The following GLRA1 variants were observed in gnomAD, a reference collection of about 807,000 sequenced individuals.
GLRA1 encodes the protein glycine receptor alpha 1.
Under a neutral mutation model 48.3 loss-of-function variants are expected in GLRA1, and 37 were observed. The observed-to-expected ratio is 0.77, with a 90% CI of 0.59 to 1.01. The LOEUF (loss-of-function observed/expected upper bound fraction) is 1.01, where lower values mean the gene tolerates loss of function less well. GLRA1 is among the 50% of genes least tolerant of loss of function. The pLI is 0.00. For synonymous variants in GLRA1, 196 were observed against 210.7 expected (o/e 0.93, Z 0.60); for missense variants, 427 against 571.0 (o/e 0.75, Z 2.57).
At chr5:151,924,415 G>A in intron 1 of GLRA1, 79 bp downstream of exon 1, 1 of 897,126 alleles carries the variant, frequency 1.1e-6, no homozygotes, top group Non-Finnish European at 1.9e-6. Context: ...CAAAATGATG[G>A]GACCACGGAC....
chr5:151,844,303 C>T (rs1752606802), intron 7 of GLRA1, among the ~76,000 whole-genome samples: 2 of 151,758 alleles, frequency 1.3e-5, no homozygotes, highest in East Asian at 1.9e-4. Flanking sequence ...TCTTCATGAC[C>T]TTGGATTAGG....
chr5:151,869,252 T>C (rs1265659203), intron 3 of GLRA1, among the ~76,000 whole-genome samples: 6 of 151,882 alleles, frequency 4.0e-5, no homozygotes, highest in Admixed American at 3.9e-4. Flanking sequence ...TATAGGCATC[T>C]ACCACCATGC....
chr5:151,901,617 CT>C (rs1754370270), intron 1 of GLRA1, among the ~76,000 whole-genome samples: 1 of 152,142 alleles, frequency 6.6e-6, no homozygotes, highest in African/African-American at 2.4e-5. Context: ...GGAGCCCAGG[CT>C]TTTGGACAGA....
At chr5:151,888,653 A>G (rs77819683) in intron 2 of GLRA1, among the ~76,000 whole-genome samples, 2,558 of 152,216 alleles carry the variant, frequency 0.017, 68 homozygotes, top group African/African-American at 0.059. Context: ...CTTTGGCCCA[A>G]CCCCACACTA....
chr5:151,900,926 TA>T (rs1405924860), intron 1 of GLRA1, among the ~76,000 whole-genome samples: 1 of 152,178 alleles, frequency 6.6e-6, no homozygotes, highest in Non-Finnish European at 1.5e-5. Context: ...AAATATTTGT[TA>T]AATGGATGAT....
intron 8 of GLRA1, among the ~76,000 whole-genome samples, chr5:151,823,746 A>G (rs1763203095): frequency 6.6e-6 from 1 of 152,010 alleles, no homozygotes; most frequent in Non-Finnish European, 1.5e-5. Context: ...GCAGCCCTCC[A>G]GGTTTGTACA....
chr5:151,844,228 A>C (rs2113323432), intron 7 of GLRA1, among the ~76,000 whole-genome samples: 1 of 152,176 alleles, frequency 6.6e-6, no homozygotes, highest in Non-Finnish European at 1.5e-5. Context: ...ATAAATCTAA[A>C]TGTGCCAAAG....
intron 7 of GLRA1, among the ~76,000 whole-genome samples, chr5:151,837,264 A>C (rs560310099): frequency 5.9e-5 from 9 of 152,266 alleles, no homozygotes; most frequent in African/African-American, 2.2e-4. Context: ...ACAATGAGAT[A>C]CCATGTCATG....
At chr5:151,849,521 T>TC (rs1752843168) in intron 7 of GLRA1, among the ~76,000 whole-genome samples, 1 of 131,290 alleles carries the variant, frequency 7.6e-6, no homozygotes, top group East Asian at 2.2e-4. Flanking sequence ...TTCTTTCTTT[T>TC]TTTCTTTCTT....
intron 1 of GLRA1, among the ~76,000 whole-genome samples, chr5:151,918,619 A>G (rs1480213323): frequency 1.3e-5 from 2 of 152,250 alleles, no homozygotes; most frequent in African/African-American, 4.8e-5. Context: ...ATTGGATAGC[A>G]ATTTGGAAAT....
chr5:151,834,739 G>A lies in GLRA1; in HGVS notation c.913-5672C>T, dbSNP rs775519971. Among the ~76,000 whole-genome samples, 209 of 152,204 alleles carry A rather than the reference G, an allele frequency of 1.4e-3. 2 individuals carry two copies. In the East Asian group the frequency reaches 0.015, roughly 11 times the overall value. On this transcript the variant is annotated intron_variant, in intron 7 of 8. Coordinates refer to ENST00000274576, the MANE Select transcript of GLRA1 (RefSeq NM_000171.4). Reference sequence around the variant, plus strand: ...ATAGACTGCTAGCCAGCCTAATAAAGAAAAGAGGCTGGGCGTGGTGGCTCA... The same window carrying A: ...ATAGACTGCTAGCCAGCCTAATAAAAAAAAGAGGCTGGGCGTGGTGGCTCA...
At chr5:151,897,933 C>T (rs1173199529) in intron 1 of GLRA1, among the ~76,000 whole-genome samples, 1 of 152,122 alleles carries the variant, frequency 6.6e-6, no homozygotes, top group Non-Finnish European at 1.5e-5. Context: ...CTAGACTGTC[C>T]ACCACCTTTT....
At chr5:151,918,528 A>T (rs1007715483) in intron 1 of GLRA1, among the ~76,000 whole-genome samples, 4 of 152,164 alleles carry the variant, frequency 2.6e-5, no homozygotes, top group Non-Finnish European at 5.9e-5. Context: ...TGTCCAATTT[A>T]TTAGTTATCC....
At chr5:151,848,088 G>T (rs1435963172) in intron 7 of GLRA1, among the ~76,000 whole-genome samples, 1 of 152,220 alleles carries the variant, frequency 6.6e-6, no homozygotes, top group Non-Finnish European at 1.5e-5. Context: ...TAACAAAACA[G>T]GCCTGAGGCT....
intron 4 of GLRA1, among the ~76,000 whole-genome samples, chr5:151,857,960 C>T (rs1006162667): frequency 1.3e-5 from 2 of 152,226 alleles, no homozygotes; most frequent in African/African-American, 4.8e-5. Flanking sequence ...CAAGCTGATA[C>T]ATCAGCCAGG....
intron 8 of GLRA1, among the ~76,000 whole-genome samples, chr5:151,827,029 G>GTTTTTTTTTTTTTTTTTTTTTT (rs199505206): frequency 2.4e-5 from 3 of 126,788 alleles, no homozygotes; most frequent in African/African-American, 8.7e-5. Flanking sequence ...CTTTCTTTCT[G>GTTTTTTTTTTTTTTTTTTTTTT]TTTTTTTTTT....
intron 1 of GLRA1, among the ~76,000 whole-genome samples, chr5:151,903,854 A>C (rs1387167568): frequency 1.3e-5 from 2 of 152,198 alleles, no homozygotes; most frequent in Non-Finnish European, 2.9e-5. Flanking sequence ...TTTTCAGATG[A>C]GAAAACTGAG....
chr5:151,898,481 A>G (rs1358053388), intron 1 of GLRA1, among the ~76,000 whole-genome samples: 1 of 152,184 alleles, frequency 6.6e-6, no homozygotes, highest in Non-Finnish European at 1.5e-5. Flanking sequence ...AAGACTGGGG[A>G]GAAACAATTT....
At chr5:151,911,234 G>T (rs1171953607) in intron 1 of GLRA1, among the ~76,000 whole-genome samples, 5 of 152,022 alleles carry the variant, frequency 3.3e-5, no homozygotes, top group Non-Finnish European at 7.4e-5. Context: ...ATTCTTTATG[G>T]CCCAGTTTAA....
Sources: allele counts gnomAD v4.1 joint callset (sites outside exome capture counted in the v4.1 genomes callset), GRCh38; gene constraint gnomAD v4.1.1; transcripts MANE v1.5; gene names NCBI Gene and HGNC (gene_info 2026-07-23, HGNC 2026-07-21).